Variants in FABP4 observed in about 807,000 individuals in gnomAD.
FABP4 encodes fatty acid binding protein 4.
A neutral mutation model predicts 14.6 loss-of-function variants in FABP4; 17 were observed. The ratio of observed to expected loss-of-function variants is 1.16; its 90% CI spans 0.80 to 1.74. The LOEUF (loss-of-function observed/expected upper bound fraction) is 1.74. FABP4 is among the 40% of genes most tolerant of loss of function. The pLI is 0.00. For synonymous variants in FABP4, 54 were observed against 54.6 expected (o/e 0.99, Z 0.05); for missense variants, 149 against 160.3 (o/e 0.93, Z 0.38).
Position 81,480,490 on chromosome 8 carries a change from G to T in FABP4, c.182C>A (p.Thr61Asn). ...TIKSESTFKN[T>N]EISFILGQEF... ...CTGGCCCAGTATGAAGGAAATCTCA[G>T]TATTTTTAAAGGTACTTTCAGATTT... The change falls in exon 2 of 4, where the codon ACT (threonine) becomes AAT (asparagine). Residue 61 changes from threonine to asparagine, a missense_variant. By Grantham distance (65) the Thr-to-Asn change is moderately conservative (BLOSUM62 0). Transcript: ENST00000256104. 1 of 1,613,790 alleles carries T rather than the reference G, an allele frequency of 6.2e-7. No homozygotes were observed. Among genetic ancestry groups the T allele is most frequent in the Non-Finnish European group, 8.5e-7 (1 of 1,179,784 alleles).
chr8:81,482,034 C>T (rs2129801448), intron 1 of FABP4, among the ~76,000 whole-genome samples: 1 of 152,220 alleles, frequency 6.6e-6, no homozygotes, highest in East Asian at 1.9e-4. Flanking sequence ...CAAATCCTGG[C>T]TTTTCTGCAT....
At chr8:81,479,362 A>G (rs1341367170) in intron 3 of FABP4, 52 bp downstream of exon 3, 9 of 1,367,700 alleles carry the variant, frequency 6.6e-6, no homozygotes, top group Non-Finnish European at 9.4e-6. Flanking sequence ...AATAGTGATC[A>G]TGAGATAACC....
intron 2 of FABP4, 41 bp from the exon 3 acceptor site, chr8:81,479,556 G>A: frequency 6.7e-7 from 1 of 1,497,026 alleles, no homozygotes; most frequent in South Asian, 1.2e-5. Context: ...TGCAGAGGGA[G>A]GCAGAAAAAA....
Position 81,478,714 on chromosome 8 carries a change from A to G in FABP4, c.*151T>C, listed in dbSNP as rs1256310240. ...TTCTAAATCTAAAAAAAGTTTATTT[A>G]ACCAACGTAACCATATTGAATAAAA... On this transcript the variant is annotated 3_prime_UTR_variant, in exon 4 of 4. Transcript: ENST00000256104. 6.6e-6 allele frequency: 4 copies of G among 609,462 alleles called. No homozygotes were observed. Among genetic ancestry groups the G allele is most frequent in the Non-Finnish European group, 1.1e-5 (4 of 358,382 alleles). 37.8% of individuals were successfully genotyped at this position (609,462 alleles called of 1,614,324 possible). A position where few individuals can be genotyped will look rare whatever the true frequency, so the allele number is the denominator to read the frequency against.
In FABP4 at chr8:81,483,214, A is replaced by C. The variant is rs1808107569; in HGVS notation, c.-47T>G. On this transcript the variant is annotated 5_prime_UTR_variant, in exon 1 of 4. Transcript: ENST00000256104. ...TTCTTCAAGGTGAGAAGGAAGCTGC[A>C]GTTTTCAGGAGGGTGCTGTGACCCT... is the stretch of plus-strand genomic sequence containing the variant. 6.8e-7 allele frequency: 1 copy of C among 1,480,070 alleles called. No individual in the cohort carries two copies. The highest frequency in any genetic ancestry group is 2.3e-5 in the East Asian group (1 of 43,858). The allele number at this position is 1,480,070 out of a possible 1,614,324, so 91.7% of individuals were successfully genotyped here.
chr8:81,480,616 A>C lies in FABP4; in HGVS notation c.74-18T>G, dbSNP rs766928281. On this transcript the variant is annotated intron_variant, in intron 1 of 3. Transcript: ENST00000256104. ...GCCCACTCCTACAGTTAGGAAAAGA[A>C]AAGATGTCAGATTTACATTTTCTCT... 1 of 1,596,184 alleles carries C rather than the reference A, an allele frequency of 6.3e-7. No individual in the cohort carries two copies. Among genetic ancestry groups the C allele is most frequent in the South Asian group, 1.1e-5 (1 of 88,258 alleles).
chr8:81,480,331 A>G (rs1808057614), intron 2 of FABP4, 95 bp downstream of exon 2: 1 of 1,249,290 alleles, frequency 8.0e-7, no homozygotes, highest in Non-Finnish European at 1.1e-6. Flanking sequence ...GCTTATGATA[A>G]AATGGTGTTC....
At chr8:81,482,617 A>C (rs568985580) in intron 1 of FABP4, among the ~76,000 whole-genome samples, 13 of 152,214 alleles carry the variant, frequency 8.5e-5, no homozygotes, top group Admixed American at 1.3e-4. Flanking sequence ...TAATAGATTA[A>C]CATTGAGACA....
chr8:81,480,582 G>T lies in FABP4; in HGVS notation c.90C>A (p.Thr30=), dbSNP rs775032674. Residue 30 remains threonine, a synonymous_variant, in exon 2 of 4, where the codon ACC becomes ACA. Coordinates refer to ENST00000256104, the MANE Select transcript of FABP4 (RefSeq NM_001442.3). The stretch of plus-strand genomic sequence containing the variant: ...GTTTGGCCATGCCAGCCACTTTCCT[G>T]GTGGCAAAGCCCACTCCTACAGTTA... ...YMKEVGVGFA[T]RKVAGMAKPN... is the part of the protein sequence containing the mutation. 4.2e-5 allele frequency: 68 copies of T among 1,611,018 alleles called. No individual in the cohort carries two copies. Among genetic ancestry groups the T allele is most frequent in the Non-Finnish European group, 5.2e-5 (61 of 1,178,660 alleles).
At chr8:81,482,998 G>A (rs1401874195) in intron 1 of FABP4, 97 bp downstream of exon 1, 7 of 878,672 alleles carry the variant, frequency 8.0e-6, no homozygotes, top group African/African-American at 3.4e-5. Flanking sequence ...TTCATTTCTG[G>A]CCAGGGCTTC....
rs1211140374 is a variant in FABP4 at position 81,478,703 on chromosome 8, A to G, written c.*162T>C. 1.8e-6 allele frequency: 1 copy of G among 561,332 alleles called. No homozygotes were observed. 34.8% of individuals were successfully genotyped at this position (561,332 alleles called of 1,614,324 possible). On this transcript the variant is annotated 3_prime_UTR_variant, in exon 4 of 4. Coordinates refer to ENST00000256104, the MANE Select transcript of FABP4 (RefSeq NM_001442.3). ...ATTACATCACCTTCTAAATCTAAAA[A>G]AAGTTTATTTAACCAACGTAACCAT... is the stretch of plus-strand genomic sequence containing the variant.
In FABP4 at chr8:81,479,415, A is replaced by C; in HGVS notation, c.347T>G (p.Val116Gly). The C allele has an allele frequency of 6.2e-7, 1 of 1,611,364 alleles. No homozygotes were observed. The highest frequency in any genetic ancestry group is 8.5e-7 in the Non-Finnish European group (1 of 1,177,778). The change falls in exon 3 of 4, where the codon GTG (valine) becomes GGG (glycine). Residue 116 changes from valine to glycine, a missense_variant and splice_region_variant. Physicochemically the swap from Val to Gly is moderately radical, Grantham distance 109. Coordinates refer to ENST00000256104, the MANE Select transcript of FABP4 (RefSeq NM_001442.3). ...ATTAAGTAGCTAGAAGATACTCACC[A>C]CCACCAGTTTATCATCCTCTCGTTT... ...KRKREDDKLV[V>G]ECVMKGVTST...
intron 1 of FABP4, among the ~76,000 whole-genome samples, chr8:81,481,729 A>G (rs1180548095): frequency 6.6e-6 from 1 of 152,230 alleles, no homozygotes; most frequent in Non-Finnish European, 1.5e-5. Context: ...GTTACAAAAT[A>G]TAACATTAAA....
intron 3 of FABP4, 152 bp downstream of exon 3, chr8:81,479,262 G>T: frequency 1.5e-6 from 1 of 676,952 alleles, no homozygotes. Context: ...TCAAAAGCAT[G>T]AAGGGCAAAT....
Position 81,479,388 on chromosome 8 carries a change from G to A in FABP4, c.348+26C>T, listed in dbSNP as rs138223647. 2.0e-4 allele frequency: 307 copies of A among 1,558,446 alleles called. 1 individual carries two copies. The African/African-American group carries it at 3.7e-3, about 19-fold the overall frequency. On this transcript the variant is annotated intron_variant, in intron 3 of 3. Transcript: ENST00000256104. Reference sequence around the variant, plus strand: ...TGAGATAACCTAGCAGTAAGATCCAGAATTAAGTAGCTAGAAGATACTCAC... The same window carrying A: ...TGAGATAACCTAGCAGTAAGATCCAAAATTAAGTAGCTAGAAGATACTCAC...
At chr8:81,482,297 A>G (rs1044610214) in intron 1 of FABP4, among the ~76,000 whole-genome samples, 1 of 152,280 alleles carries the variant, frequency 6.6e-6, no homozygotes, top group South Asian at 2.1e-4. Context: ...ACTGTCATGC[A>G]TGGGGTTGAG....
chr8:81,481,383 C>A (rs1263052921), intron 1 of FABP4, among the ~76,000 whole-genome samples: 2 of 152,136 alleles, frequency 1.3e-5, no homozygotes. Flanking sequence ...GAAGCCAATA[C>A]TTTGATTTCC....
rs142906988 is a variant in FABP4, at chr8:81,478,886, C to T, written c.378G>A (p.Thr126=). 2.9e-5 allele frequency: 47 copies of T among 1,613,112 alleles called. No homozygotes were observed. The Middle Eastern group carries it at 6.6e-4, about 23-fold the overall frequency. Residue 126 remains threonine, a synonymous_variant, in exon 4 of 4, where the codon ACG becomes ACA. Transcript: ENST00000256104. ...TGGCTTATGCTCTCTCATAAACTCTCGTGGAAGTGACGCCTTTCATGACGC... is the reference window on the plus strand; with the variant it reads ...TGGCTTATGCTCTCTCATAAACTCTTGTGGAAGTGACGCCTTTCATGACGC... ...VECVMKGVTS[T]RVYERA
chr8:81,482,966 C>T (rs1228011361), intron 1 of FABP4, 129 bp downstream of exon 1: 15 of 606,164 alleles, frequency 2.5e-5, no homozygotes, highest in Non-Finnish European at 3.8e-5. Context: ...TGTGTGCAGC[C>T]TCTCTATAGA....
Sources: gnomAD v4.1 joint callset for allele counts (sites outside exome capture counted in the v4.1 genomes callset) on GRCh38, gnomAD v4.1.1 for gene constraint, MANE v1.5 for transcripts, NCBI Gene and HGNC (gene_info 2026-07-23, HGNC 2026-07-21) for gene names.